Variants in KLHDC10 observed in about 807,000 individuals in gnomAD.
The protein encoded by KLHDC10 is kelch domain containing 10.
A neutral mutation model predicts 56.1 loss-of-function variants in KLHDC10; 24 were observed. The ratio of observed to expected loss-of-function variants is 0.43; its 90% confidence interval spans 0.31 to 0.60. KLHDC10 has a LOEUF of 0.60. Ranked by LOEUF, KLHDC10 falls within the 20% of genes least tolerant of loss-of-function variation. KLHDC10 has a pLI of 0.11. For synonymous variants in KLHDC10, 188 were observed against 207.1 expected, an observed-to-expected ratio of 0.91 and a Z score of 0.79; for missense variants, 349 against 567.0, an observed-to-expected ratio of 0.62 and a Z score of 3.91.
Position 130,116,445 on chromosome 7 carries a change from G to A in KLHDC10, c.254G>A (p.Gly85Asp). Reference protein sequence around the residue: ...IIRIPNRFLRGHRPPPARSGH... With the variant: ...IIRIPNRFLRDHRPPPARSGH... ...GGAAAACTGTCCTCTTCTCTCCTAG[G>A]CCACAGACCTCCACCAGCACGAAGT... Residue 85 changes from glycine (G) to aspartate (D), a missense_variant and splice_region_variant, in exon 3 of 10, where the codon GGC becomes GAC. Transcript: ENST00000335420. The surrounding 1 kb of genome is among the most constrained non-coding windows in gnomAD (Gnocchi z 4.8). The A allele has an allele frequency of 6.2e-7, 1 of 1,612,058 alleles. No homozygotes were observed. The highest frequency in any genetic ancestry group is 8.5e-7 in the Non-Finnish European group (1 of 1,178,974).
chr7:130,100,239 T>C (rs922036924), intron 2 of KLHDC10, among the ~76,000 whole-genome samples: 1 of 152,174 alleles, frequency 6.6e-6, no homozygotes, highest in Non-Finnish European at 1.5e-5. Flanking sequence ...ATTAATAGCA[T>C]ATCCTTTAAC....
Position 130,125,918 on chromosome 7 carries a change from C to A in KLHDC10, c.918C>A (p.Pro306=). 1.3e-6 allele frequency: 2 copies of A among 1,593,572 alleles called. No individual in the cohort carries two copies. The highest frequency in any genetic ancestry group is 8.5e-7 in the Non-Finnish European group (1 of 1,172,338). ...TNAWEEIATK[P]HEKIGFPAAR... is the part of the protein sequence containing the mutation. ...CCTGGGAGGAAATTGCAACAAAACC[C>A]CATGAAAAAATAGGTAAATTTAAAG... Residue 306 remains proline (P), a synonymous_variant, in exon 7 of 10, where the codon CCC becomes CCA. Coordinates refer to ENST00000335420, the MANE Select transcript of KLHDC10 (RefSeq NM_014997.4).
At chr7:130,093,790 G>A (rs565321826) in intron 1 of KLHDC10, among the ~76,000 whole-genome samples, 11 of 152,076 alleles carry the variant, frequency 7.2e-5, no homozygotes, top group Admixed American at 5.2e-4. Context: ...AATAACCTCC[G>A]CAGAGTCAAC....
chr7:130,096,329 T>C lies in KLHDC10; in HGVS notation c.167-592T>C, dbSNP rs967986843. On this transcript the variant is annotated intron_variant, in intron 1 of 9. Coordinates refer to ENST00000335420, the MANE Select transcript of KLHDC10 (RefSeq NM_014997.4). ...AATTGGGGTTAACATGGAGGTAATT[T>C]GCTTCCTGGGAAGGCAGATGAGCCC... 2.0e-5 allele frequency among the ~76,000 whole-genome samples: 3 copies of C among 152,200 alleles called. No homozygotes were observed. The South Asian group carries it at 6.2e-4, about 31-fold the overall frequency.
chr7:130,098,313 T>A (rs1338007368), intron 2 of KLHDC10, among the ~76,000 whole-genome samples: 1 of 152,030 alleles, frequency 6.6e-6, no homozygotes, highest in African/African-American at 2.4e-5. Flanking sequence ...GACAACACGG[T>A]GAAACCCTGT....
chr7:130,130,797 CTTTA>C lies in KLHDC10; in HGVS notation c.*57_*60del, dbSNP rs757252438. On this transcript the variant is annotated 3_prime_UTR_variant, in exon 10 of 10. Transcript: ENST00000335420. The surrounding 1 kb of genome is among the most constrained non-coding windows in gnomAD (Gnocchi z 4.2). ...TGGAAATGTTAATTTAAAGAGACTC[CTTTA>C]TTTATGGGCAGTGTAGAATGTGCTA... 1.3e-6 allele frequency: 2 copies of C among 1,537,678 alleles called. No individual in the cohort carries two copies. The highest frequency in any genetic ancestry group is 1.7e-5 in the Admixed American group (1 of 59,806).
chr7:130,128,889 A>AAAAAAAAATATATATATATATATATATAT, intron 8 of KLHDC10, among the ~76,000 whole-genome samples: 7 of 66,946 alleles, frequency 1.0e-4, no homozygotes, highest in Non-Finnish European at 1.9e-4. Context: ...AAAAAAAAAA[A>AAAAAAAAATATATATATATATATATATAT]ATATATATAT....
intron 1 of KLHDC10, among the ~76,000 whole-genome samples, chr7:130,089,766 T>C (rs1365767049): frequency 1.3e-5 from 2 of 152,198 alleles, no homozygotes; most frequent in South Asian, 2.1e-4. Context: ...AGTATTAATT[T>C]GCTTCTCTTT....
rs1055991614 is a variant in KLHDC10, at chr7:130,130,336, T to TCA, written c.1120-200_1120-199dup. On this transcript the variant is annotated intron_variant, in intron 9 of 9. Coordinates refer to ENST00000335420, the MANE Select transcript of KLHDC10 (RefSeq NM_014997.4). This position sits in a 1 kb window ranked among gnomAD's most constrained non-coding sequence, Gnocchi z 4.2. ...GACTCTGTCTCAAAAAAAAAAAAAA[T>TCA]CATATATATATATATATAGTTTTTC... 1.2e-4 allele frequency among the ~76,000 whole-genome samples: 3 copies of TCA among 25,826 alleles called. No homozygotes were observed. Among genetic ancestry groups the TCA allele is most frequent in the African/African-American group, 4.2e-4 (2 of 4,806 alleles). 16.9% of individuals were successfully genotyped at this position (25,826 alleles called of 152,430 possible). A position where few individuals can be genotyped will look rare whatever the true frequency, so the allele number is the denominator to read the frequency against.
chr7:130,073,247 A>G (rs925031431), intron 1 of KLHDC10, among the ~76,000 whole-genome samples: 1 of 151,164 alleles, frequency 6.6e-6, no homozygotes. Context: ...AAAAAACTAT[A>G]GTATAGCTCA....
intron 5 of KLHDC10, 68 bp downstream of exon 5, chr7:130,122,270 C>A: frequency 1.4e-6 from 2 of 1,466,874 alleles, no homozygotes; most frequent in Non-Finnish European, 1.8e-6. Flanking sequence ...AGAGTGTTGG[C>A]AATATGAAGA....
Position 130,070,567 on chromosome 7 carries a change from AG to A in KLHDC10, c.-76del, listed in dbSNP as rs1366636332. ...CCCCTGTCTCCTGGGTCTCTGGAGG[AG>A]CCCAGGAAGGAGGCTCCGCTGGTTC... is the stretch of plus-strand genomic sequence containing the variant. On this transcript the variant is annotated 5_prime_UTR_variant, in exon 1 of 10. Coordinates refer to ENST00000335420, the MANE Select transcript of KLHDC10 (RefSeq NM_014997.4). 1 of 1,231,874 alleles carries A rather than the reference AG, an allele frequency of 8.1e-7. No homozygotes were observed. Among genetic ancestry groups the A allele is most frequent in the African/African-American group, 1.5e-5 (1 of 65,234 alleles). 76.3% of individuals were successfully genotyped at this position (1,231,874 alleles called of 1,614,324 possible). A position where few individuals can be genotyped will look rare whatever the true frequency, so the allele number is the denominator to read the frequency against.
At position 130,125,911 on chromosome 7, in the gene KLHDC10, C is replaced by A; in HGVS notation, c.911C>A (p.Thr304Lys). The change falls in exon 7 of 10, where the codon ACA (threonine) becomes AAA (lysine). Residue 304 changes from threonine (T) to lysine (K), a missense_variant. Transcript: ENST00000335420. ...ACGAATGCCTGGGAGGAAATTGCAACAAAACCCCATGAAAAAATAGGTAAA... is the reference window on the plus strand; with the variant it reads ...ACGAATGCCTGGGAGGAAATTGCAAAAAAACCCCATGAAAAAATAGGTAAA... ...LETNAWEEIA[T>K]KPHEKIGFPA... 1.3e-6 allele frequency: 2 copies of A among 1,598,738 alleles called. No homozygotes were observed. Among genetic ancestry groups the A allele is most frequent in the Non-Finnish European group, 1.7e-6 (2 of 1,175,320 alleles).
chr7:130,085,978 T>C (rs1458550370), intron 1 of KLHDC10, among the ~76,000 whole-genome samples: 1 of 152,156 alleles, frequency 6.6e-6, no homozygotes, highest in Admixed American at 6.6e-5. Context: ...ATTAACTATT[T>C]ATAACATTGG....
intron 2 of KLHDC10, among the ~76,000 whole-genome samples, chr7:130,103,418 CAAAA>C (rs57094210): frequency 4.3e-5 from 4 of 92,714 alleles, no homozygotes; most frequent in Non-Finnish European, 7.4e-5. Flanking sequence ...GAGCAAGACT[CAAAA>C]AAAAAAAAAA....
rs1029485878 is a variant in KLHDC10, at chr7:130,133,041, C to T, written c.*2295C>T. On this transcript the variant is annotated 3_prime_UTR_variant, in exon 10 of 10. Coordinates refer to ENST00000335420, the MANE Select transcript of KLHDC10 (RefSeq NM_014997.4). ...GAGGTAGACCTTGGAGGCCTGACATCGAAGACCTGTGTGTTTTATTTTCAT... is the reference window on the plus strand; with the variant it reads ...GAGGTAGACCTTGGAGGCCTGACATTGAAGACCTGTGTGTTTTATTTTCAT... The T allele has an allele frequency of 6.6e-6, 1 of 152,148 alleles. No homozygotes were observed. Among genetic ancestry groups the T allele is most frequent in the African/African-American group, 2.4e-5 (1 of 41,426 alleles). The allele number at this position is 152,148 out of a possible 1,614,324, so 9.4% of individuals were successfully genotyped here.
At chr7:130,118,804 G>A (rs559012310) in intron 3 of KLHDC10, among the ~76,000 whole-genome samples, 1 of 152,302 alleles carries the variant, frequency 6.6e-6, no homozygotes, top group East Asian at 1.9e-4. Flanking sequence ...GAGGGAAAAA[G>A]ATGAGGGAAT....
rs1243679049 is a variant in KLHDC10 at position 130,116,798 on chromosome 7, C to T, written c.475+132C>T. On this transcript the variant is annotated intron_variant, in intron 3 of 9. Transcript: ENST00000335420. This position sits in a 1 kb window ranked among gnomAD's most constrained non-coding sequence, Gnocchi z 4.8. ...GCCCTGTGGGTGGATAGGCTTTTTA[C>T]TAGGGTAATAACAGTATGGTGATTC... 1 of 722,662 alleles carries T rather than the reference C, an allele frequency of 1.4e-6. No homozygotes were observed. Among genetic ancestry groups the T allele is most frequent in the Non-Finnish European group, 2.4e-6 (1 of 425,504 alleles). The allele number at this position is 722,662 out of a possible 1,614,324, so 44.8% of individuals were successfully genotyped here. A position where few individuals can be genotyped will look rare whatever the true frequency, so the allele number is the denominator to read the frequency against.
intron 6 of KLHDC10, among the ~76,000 whole-genome samples, chr7:130,125,296 C>A (rs1156632533): frequency 6.6e-6 from 1 of 152,138 alleles, no homozygotes; most frequent in African/African-American, 2.4e-5. Flanking sequence ...AATCCCAGCC[C>A]TTTGGGAGGC....
Sources: allele counts gnomAD v4.1 joint callset (sites outside exome capture counted in the v4.1 genomes callset), GRCh38; gene constraint gnomAD v4.1.1; non-coding constraint Gnocchi (gnomAD v3.1); transcripts MANE v1.5; gene names NCBI Gene and HGNC (gene_info 2026-07-23, HGNC 2026-07-21).